Variants in ASMT observed in about 807,000 individuals in gnomAD.
The protein encoded by ASMT is acetylserotonin O-methyltransferase.
In ASMT, 53 loss-of-function variants were observed where a neutral mutation model predicts 41.3. That is an observed-to-expected ratio of 1.28 (90% confidence interval 1.03 to 1.61). The LOEUF is 1.61. Among genes scored for constraint, ASMT ranks in the 40% most tolerant of loss-of-function variants. The pLI is 0.00. For synonymous variants in ASMT, 231 were observed against 184.8 expected (o/e 1.25, Z -2.03); for missense variants, 531 against 441.3 (o/e 1.20, Z -1.82).
intron 1 of ASMT, among the ~76,000 whole-genome samples, 185 bp from the exon 2 acceptor site, chrX:1,622,954 T>A (rs1233776257): frequency 1.3e-5 from 2 of 151,432 alleles, no homozygotes; most frequent in African/African-American, 4.9e-5. Context: ...AATAAATAAA[T>A]ATGACTGTTT....
chrX:1,619,197 C>T (rs1934245498), intron 1 of ASMT, among the ~76,000 whole-genome samples: 1 of 151,986 alleles, frequency 6.6e-6, no homozygotes, highest in South Asian at 2.1e-4. Flanking sequence ...AGTTCGAGAC[C>T]AGCCTGGCCA....
chrX:1,616,174 A>G (rs184627208), intron 1 of ASMT, among the ~76,000 whole-genome samples: 1,617 of 144,012 alleles, frequency 0.011, 49 homozygotes, highest in African/African-American at 0.031. Flanking sequence ...GATTACAGGC[A>G]CCCACCACCA....
In ASMT at chrX:1,616,858, G is replaced by C. The variant is rs187615481; in HGVS notation, c.69+1590G>C. ...CGAGTAGCTGGGATTACAGGCACCC[G>C]CCACCACGCCCGGCTAATTTTTTGT... On this transcript the variant is annotated intron_variant, in intron 1 of 8. Transcript: ENST00000381241. Among the ~76,000 whole-genome samples the C allele has an allele frequency of 6.9e-5, 10 of 145,226 alleles. No individual in the cohort carries two copies. The East Asian group carries it at 2.0e-3, about 29-fold the overall frequency.
chrX:1,642,814 C>G lies in ASMT; in HGVS notation c.922C>G (p.Leu308Val), dbSNP rs777456182. ...YHTCKPGGGI[L>V]VIESLLDEDR... ...CCCTCCCTTTCTAGGTGGTGGCATT[C>G]TGGTAATTGAAAGCCTCCTGGATGA... Residue 308 changes from leucine (L) to valine (V), a missense_variant, in exon 9 of 9, where the codon CTG (leucine) becomes GTG (valine). By Grantham distance (32) the Leu-to-Val change is conservative (BLOSUM62 1). Transcript: ENST00000381241. 7 of 1,613,902 alleles carry G rather than the reference C, an allele frequency of 4.3e-6. No homozygotes were observed. In the Admixed American group the frequency reaches 1.2e-4, roughly 27 times the overall value.
chrX:1,616,900 G>A (rs1203929957), intron 1 of ASMT, among the ~76,000 whole-genome samples: 5 of 151,778 alleles, frequency 3.3e-5, no homozygotes, highest in South Asian at 2.1e-4. Context: ...AGTAGAGACG[G>A]GGTTTCACCG....
chrX:1,630,051 T>C (rs1354493393), intron 5 of ASMT, 112 bp downstream of exon 5: 1 of 989,708 alleles, frequency 1.0e-6, no homozygotes. Flanking sequence ...ATGTGCGGCC[T>C]TACTGGTCTT....
intron 8 of ASMT, 174 bp downstream of exon 8, chrX:1,636,734 C>G (rs767181047): frequency 4.5e-6 from 2 of 445,400 alleles, no homozygotes; most frequent in Non-Finnish European, 5.9e-6. Context: ...AATTTCTATT[C>G]TATTGATAAA....
rs1314426263 is a variant in ASMT at position 1,624,346 on chromosome X, T to C, written c.322T>C (p.Tyr108His). The C allele has an allele frequency of 1.2e-6, 2 of 1,613,842 alleles. No homozygotes were observed. Among genetic ancestry groups the C allele is most frequent in the Non-Finnish European group, 1.7e-6 (2 of 1,179,864 alleles). The change falls in exon 3 of 9, where the codon TAC becomes CAC. Residue 108 changes from tyrosine to histidine, a missense_variant. Tyr to His is a moderately conservative substitution (Grantham distance 83). Coordinates refer to ENST00000381241, the MANE Select transcript of ASMT (RefSeq NM_001171038.2). The stretch of plus-strand genomic sequence containing the variant: ...GACGTCACAATGCAGCATGCTGAAG[T>C]ACATGGGCAGGACCAGCTACCGGTG... ...SPTSQCSMLK[Y>H]MGRTSYRCWG...
chrX:1,622,636 A>C (rs1486841641), intron 1 of ASMT, among the ~76,000 whole-genome samples: 2 of 151,796 alleles, frequency 1.3e-5, no homozygotes, highest in African/African-American at 4.8e-5. Context: ...GGGTGGGGCC[A>C]GGCGCAATGG....
rs758123880 is a variant in ASMT at position 1,633,294 on chromosome X, T to C, written c.787+4T>C. ...GAACAGATTGACTTCCAGGAAGGTG[T>C]GTTTGTGTCCGTGGGGAAGCAGAGA... On this transcript the variant is annotated splice_donor_region_variant and intron_variant, in intron 7 of 8. Transcript: ENST00000381241. 6.8e-6 allele frequency: 11 copies of C among 1,613,742 alleles called. No homozygotes were observed. The Admixed American group carries it at 8.3e-5, about 12-fold the overall frequency.
At chrX:1,627,643 TGAAATGAAATGA>T in intron 3 of ASMT, 48 bp from the exon 4 acceptor site, 2 of 471,998 alleles carry the variant, frequency 4.2e-6, no homozygotes, top group Non-Finnish European at 2.8e-6. Context: ...CGAAATGAAA[TGAAATGAAATGA>T]AATGAAATGA....
intron 4 of ASMT, 70 bp downstream of exon 4, chrX:1,627,841 C>A (rs1408701426): frequency 2.8e-6 from 4 of 1,452,370 alleles, no homozygotes; most frequent in African/African-American, 1.4e-5. Flanking sequence ...CTTAGGAAAC[C>A]CAATCCATTT....
At chrX:1,636,879 A>C (rs1227813931) in intron 8 of ASMT, among the ~76,000 whole-genome samples, 4 of 152,062 alleles carry the variant, frequency 2.6e-5, no homozygotes, top group Non-Finnish European at 2.9e-5. Context: ...AGGTCCACCC[A>C]TCCTGATGGT....
chrX:1,630,300 A>ATTTTTTTTTT (rs36011956), intron 5 of ASMT, among the ~76,000 whole-genome samples: 1 of 71,098 alleles, frequency 1.4e-5, no homozygotes, highest in African/African-American at 5.8e-5. Flanking sequence ...CACCAGGCTA[A>ATTTTTTTTTT]TTTTTTTTTT....
intron 7 of ASMT, among the ~76,000 whole-genome samples, chrX:1,633,865 C>G (rs1456237124): frequency 6.6e-6 from 1 of 152,154 alleles, no homozygotes; most frequent in African/African-American, 2.4e-5. Flanking sequence ...GTCTCGATCT[C>G]CTGACCGCGT....
chrX:1,628,262 G>A lies in ASMT; in HGVS notation c.443+491G>A, dbSNP rs188481369. 6.9e-3 allele frequency among the ~76,000 whole-genome samples: 1,044 copies of A among 152,192 alleles called. 16 individuals are homozygous for A. The highest frequency in any genetic ancestry group is 0.023 in the African/African-American group (974 of 41,532). On this transcript the variant is annotated intron_variant, in intron 4 of 8. Transcript: ENST00000381241. ...CTTGAACCCGGGAGGCGGAGGTTGC[G>A]GTGATCTGAGATCGCACCACTGCAC...
Position 1,615,232 on chromosome X carries a change from C to G in ASMT, c.33C>G (p.Leu11=), listed in dbSNP as rs1428119592. 6.3e-6 allele frequency: 10 copies of G among 1,599,062 alleles called. No individual in the cohort carries two copies. Among genetic ancestry groups the G allele is most frequent in the Non-Finnish European group, 8.5e-6 (10 of 1,173,050 alleles). MGSSEDQAYR[L]LNDYANGFMV... The stretch of plus-strand genomic sequence containing the variant: ...CCTCAGAGGACCAGGCCTATCGCCT[C>G]CTTAATGACTACGCCAACGGCTTCA... Residue 11 remains leucine, a synonymous_variant, in exon 1 of 9, where the codon CTC becomes CTG. Coordinates refer to ENST00000381241, the MANE Select transcript of ASMT (RefSeq NM_001171038.2).
intron 2 of ASMT, among the ~76,000 whole-genome samples, chrX:1,623,744 A>G (rs6588804): frequency 0.63 from 95,049 of 151,402 alleles, 30,923 homozygotes; most frequent in East Asian, 0.83. Context: ...CGTATTTTTA[A>G]TAGAGACAGG....
chrX:1,619,986 G>A (rs1232312124), intron 1 of ASMT, among the ~76,000 whole-genome samples: 5 of 150,986 alleles, frequency 3.3e-5, no homozygotes, highest in African/African-American at 1.2e-4. Context: ...TCAGCTACTC[G>A]GGAGACTGAG....
Sources: gnomAD v4.1 joint callset for allele counts (sites outside exome capture counted in the v4.1 genomes callset) on GRCh38, gnomAD v4.1.1 for gene constraint, MANE v1.5 for transcripts, NCBI Gene and HGNC (gene_info 2026-07-23, HGNC 2026-07-21) for gene names.